The following CREG2 variants were observed in gnomAD, a reference collection of about 807,000 sequenced individuals.
CREG2 encodes cellular repressor of E1A stimulated genes 2, also known as protein CREG2.
Under a neutral mutation model 26.2 loss-of-function variants are expected in CREG2, and 24 were observed. The ratio of observed to expected loss-of-function variants is 0.92; its 90% confidence interval spans 0.66 to 1.29. The LOEUF (loss-of-function observed/expected upper bound fraction) is 1.29. Ranked by LOEUF, CREG2 falls within the 50% of genes most tolerant of loss-of-function variation. CREG2 has a pLI of 0.00. For missense variants in CREG2, 366 were observed against 398.6 expected (o/e 0.92, Z 0.70); for synonymous variants, 174 against 169.2 (o/e 1.03, Z -0.22).
rs1379131445 is a variant in CREG2, at chr2:101,346,610, A to G, written c.*4313T>C. ...CAAATGGATATATTAACGGTTAACA[A>G]ATGAAATGCTGTCTCTTTGTACTAG... On this transcript the variant is annotated 3_prime_UTR_variant, in exon 4 of 4. Transcript: ENST00000324768. 3 of 152,226 alleles carry G rather than the reference A, an allele frequency of 2.0e-5. No homozygotes were observed. Among genetic ancestry groups the G allele is most frequent in the Non-Finnish European group, 4.4e-5 (3 of 68,030 alleles). 9.4% of individuals were successfully genotyped at this position (152,226 alleles called of 1,614,324 possible).
intron 3 of CREG2, among the ~76,000 whole-genome samples, chr2:101,352,956 T>G (rs556441787): frequency 1.5e-4 from 23 of 152,290 alleles, no homozygotes; most frequent in African/African-American, 5.5e-4. Context: ...CCTCTAAAAT[T>G]AAAAATAAAA....
Position 101,383,521 on chromosome 2 carries a change from A to G in CREG2, c.611+12T>C. On this transcript the variant is annotated intron_variant, in intron 2 of 3. Transcript: ENST00000324768. ...CCAGGACCCGTGTGAGTGAGGGCAA[A>G]CCGTCGTCTACCTGCAGAACTCCCC... The G allele has an allele frequency of 6.2e-7, 1 of 1,613,172 alleles. No individual in the cohort carries two copies. Among genetic ancestry groups the G allele is most frequent in the Non-Finnish European group, 8.5e-7 (1 of 1,179,970 alleles).
rs1479946230 is a variant in CREG2 at position 101,347,143 on chromosome 2, A to G, written c.*3780T>C. The G allele has an allele frequency of 2.6e-5, 4 of 152,140 alleles. No homozygotes were observed. The highest frequency in any genetic ancestry group is 2.4e-5 in the African/African-American group (1 of 41,380). The allele number at this position is 152,140 out of a possible 1,614,324, so 9.4% of individuals were successfully genotyped here. A position where few individuals can be genotyped will look rare whatever the true frequency, so the allele number is the denominator to read the frequency against. On this transcript the variant is annotated 3_prime_UTR_variant, in exon 4 of 4. Transcript: ENST00000324768. The stretch of plus-strand genomic sequence containing the variant: ...CTGGAATTCATCCCAGTGGTTGCCC[A>G]TGTCAGTAATTAGTTCTTTTTTATC...
rs1573322109 is a variant in CREG2 at position 101,387,178 on chromosome 2, C to T, written c.280G>A (p.Ala94Thr). 9 of 1,324,124 alleles carry T rather than the reference C, an allele frequency of 6.8e-6. No individual in the cohort carries two copies. In the African/African-American group the frequency reaches 9.1e-5, roughly 13 times the overall value. The allele number at this position is 1,324,124 out of a possible 1,614,324, so 82.0% of individuals were successfully genotyped here. ...HLRPRAGAAR[A>T]RPPPAPPGMF... ...CCGGGTGGCGCGGGGGGCGGCCTGG[C>T]CCGGGCGGCGCCCGCCCGGGGCCGC... The change falls in exon 1 of 4, where the codon GCC (alanine) becomes ACC (threonine). Residue 94 changes from alanine (A) to threonine (T), a missense_variant. Coordinates refer to ENST00000324768, the MANE Select transcript of CREG2 (RefSeq NM_153836.4). This position sits in a 1 kb window ranked among gnomAD's most constrained non-coding sequence, Gnocchi z 4.7.
At chr2:101,379,713 A>G (rs1684841245) in intron 2 of CREG2, among the ~76,000 whole-genome samples, 1 of 152,244 alleles carries the variant, frequency 6.6e-6, no homozygotes, top group Admixed American at 6.5e-5. Context: ...TAAATCAAAT[A>G]TTAAGTCAAT....
chr2:101,377,594 G>C (rs183229899), intron 2 of CREG2, among the ~76,000 whole-genome samples: 1 of 152,172 alleles, frequency 6.6e-6, no homozygotes, highest in African/African-American at 2.4e-5. Context: ...AGGGGCATGC[G>C]TCCATGCTTA....
chr2:101,377,673 A>G (rs930629012), intron 2 of CREG2, among the ~76,000 whole-genome samples: 1 of 152,182 alleles, frequency 6.6e-6, no homozygotes, highest in Non-Finnish European at 1.5e-5. Flanking sequence ...TTTAAACTAG[A>G]CAGTTATTCT....
At chr2:101,377,618 G>C (rs1351020478) in intron 2 of CREG2, among the ~76,000 whole-genome samples, 1 of 152,214 alleles carries the variant, frequency 6.6e-6, no homozygotes, top group Non-Finnish European at 1.5e-5. Context: ...CATGGAGGGA[G>C]AGGGAAATAA....
At chr2:101,353,078 C>T (rs1046664258) in intron 3 of CREG2, among the ~76,000 whole-genome samples, 14 of 152,202 alleles carry the variant, frequency 9.2e-5, no homozygotes, top group African/African-American at 3.1e-4. Flanking sequence ...ATGTTCACAT[C>T]TTTCACCCAC....
chr2:101,380,989 G>T (rs1684863607), intron 2 of CREG2, among the ~76,000 whole-genome samples: 1 of 152,172 alleles, frequency 6.6e-6, no homozygotes, highest in Non-Finnish European at 1.5e-5. Flanking sequence ...AGGCTGGAAG[G>T]CAGTTTTCAT....
At position 101,347,705 on chromosome 2, in the gene CREG2, A is replaced by G. The variant is rs1438977020; in HGVS notation, c.*3218T>C. On this transcript the variant is annotated 3_prime_UTR_variant, in exon 4 of 4. Transcript: ENST00000324768. Reference sequence around the variant, plus strand: ...CTGTTGAGTTTTGACAGTTCTTTATATATTCTAGATACTAATCTTTTGTTG... The same window carrying G: ...CTGTTGAGTTTTGACAGTTCTTTATGTATTCTAGATACTAATCTTTTGTTG... 6.6e-6 allele frequency: 1 copy of G among 152,086 alleles called. No individual in the cohort carries two copies. Among genetic ancestry groups the G allele is most frequent in the African/African-American group, 2.4e-5 (1 of 41,404 alleles). The allele number at this position is 152,086 out of a possible 1,614,324, so 9.4% of individuals were successfully genotyped here. A position where few individuals can be genotyped will look rare whatever the true frequency, so the allele number is the denominator to read the frequency against.
In CREG2 at chr2:101,387,293, A is replaced by G; in HGVS notation, c.165T>C (p.Thr55=). 1 of 1,486,248 alleles carries G rather than the reference A, an allele frequency of 6.7e-7. No homozygotes were observed. Among genetic ancestry groups the G allele is most frequent in the Non-Finnish European group, 9.0e-7 (1 of 1,111,024 alleles). 92.1% of individuals were successfully genotyped at this position (1,486,248 alleles called of 1,614,324 possible). Residue 55 remains threonine (T), a synonymous_variant, in exon 1 of 4, where the codon ACT becomes ACC. Transcript: ENST00000324768. This position sits in a 1 kb window ranked among gnomAD's most constrained non-coding sequence, Gnocchi z 4.7. The part of the protein sequence containing the change: ...EVDEELDSAS[T]EEAMPALLED... ...CTAGCAGCGCGGGCATAGCCTCCTC[A>G]GTGGAGGCGCTGTCCAGCTCCTCGT...
At chr2:101,378,231 C>G (rs918208002) in intron 2 of CREG2, among the ~76,000 whole-genome samples, 1 of 152,216 alleles carries the variant, frequency 6.6e-6, no homozygotes, top group Non-Finnish European at 1.5e-5. Context: ...GTCTTTCTGT[C>G]AGACTCTAAT....
rs1013076969 is a variant in CREG2 at position 101,380,758 on chromosome 2, C to G, written c.611+2775G>C. Among the ~76,000 whole-genome samples, 11 of 149,542 alleles carry G rather than the reference C, an allele frequency of 7.4e-5. No homozygotes were observed. In the Admixed American group the frequency reaches 7.4e-4, roughly 10 times the overall value. On this transcript the variant is annotated intron_variant, in intron 2 of 3. Coordinates refer to ENST00000324768, the MANE Select transcript of CREG2 (RefSeq NM_153836.4). ...TGAGTTCAAGACCAGCCTGACCAAC[C>G]TGGTGAAATCCCATCCCTACTAAAA...
intron 2 of CREG2, among the ~76,000 whole-genome samples, chr2:101,377,036 G>A (rs1208899412): frequency 6.6e-6 from 1 of 152,122 alleles, no homozygotes; most frequent in African/African-American, 2.4e-5. Context: ...CCCCCCCTTG[G>A]AGATGTATCA....
intron 2 of CREG2, among the ~76,000 whole-genome samples, chr2:101,381,858 G>T (rs1684879796): frequency 6.6e-6 from 1 of 152,178 alleles, no homozygotes; most frequent in South Asian, 2.1e-4. Context: ...CGCATACGTG[G>T]CTCTAGGCTG....
At chr2:101,357,510 A>G (rs1684479219) in intron 2 of CREG2, among the ~76,000 whole-genome samples, 2 of 152,176 alleles carry the variant, frequency 1.3e-5, no homozygotes, top group Admixed American at 1.3e-4. Flanking sequence ...CTGTGTCCAT[A>G]AGTGTTTGGG....
At position 101,350,026 on chromosome 2, in the gene CREG2, G is replaced by A. The variant is rs2104467081; in HGVS notation, c.*897C>T. The A allele has an allele frequency of 6.6e-6, 1 of 152,332 alleles. No homozygotes were observed. The highest frequency in any genetic ancestry group is 1.5e-5 in the Non-Finnish European group (1 of 68,048). 9.4% of individuals were successfully genotyped at this position (152,332 alleles called of 1,614,324 possible). ...CTTAAATGAGATGGCTTCTGTTGAGGGCCTGGCCCAGGGCCGGGCAGGCAG... is the reference window on the plus strand; with the variant it reads ...CTTAAATGAGATGGCTTCTGTTGAGAGCCTGGCCCAGGGCCGGGCAGGCAG... On this transcript the variant is annotated 3_prime_UTR_variant, in exon 4 of 4. Coordinates refer to ENST00000324768, the MANE Select transcript of CREG2 (RefSeq NM_153836.4).
At chr2:101,382,000 T>C (rs1017101625) in intron 2 of CREG2, 1 of 152,470 alleles carries the variant, frequency 6.6e-6, no homozygotes, top group Non-Finnish European at 1.5e-5. Context: ...GGGTTGCCAG[T>C]TGACAAATCC....
Sources: gnomAD v4.1 joint callset for allele counts (sites outside exome capture counted in the v4.1 genomes callset) on GRCh38, gnomAD v4.1.1 for gene constraint, Gnocchi (gnomAD v3.1) non-coding constraint, MANE v1.5 for transcripts, NCBI Gene and HGNC (gene_info 2026-07-23, HGNC 2026-07-21) for gene names.